The following ZNF283 variants were observed in gnomAD, a reference collection of about 807,000 sequenced individuals.
The protein encoded by ZNF283 is zinc finger protein 41.
A neutral mutation model predicts 9.2 loss-of-function variants in ZNF283; 10 were observed. The observed-to-expected ratio is 1.09, with a 90% CI of 0.67 to 1.85. ZNF283 has a LOEUF of 1.85. Among genes scored for constraint, ZNF283 ranks in the 40% most tolerant of loss-of-function variants. ZNF283 has a pLI of 0.00. For missense variants in ZNF283, 631 were observed against 760.1 expected, an observed-to-expected ratio of 0.83 and a Z score of 2.00; for synonymous variants, 234 against 244.1, an observed-to-expected ratio of 0.96 and a Z score of 0.38.
chr19:43,846,835 G>T, intron 6 of ZNF283, 104 bp from the exon 7 acceptor site: 1 of 877,698 alleles, frequency 1.1e-6, no homozygotes. Context: ...GCCAAGGAGT[G>T]AGTTCAGTAA....
At chr19:43,845,536 TAAA>T (rs994646638) in intron 6 of ZNF283, among the ~76,000 whole-genome samples, 2 of 152,102 alleles carry the variant, frequency 1.3e-5, no homozygotes, top group Non-Finnish European at 2.9e-5. Context: ...TTTATTTAAA[TAAA>T]AAATTCTGTT....
chr19:43,845,997 C>A (rs1175875796), intron 6 of ZNF283, among the ~76,000 whole-genome samples: 1 of 152,014 alleles, frequency 6.6e-6, no homozygotes, highest in Non-Finnish European at 1.5e-5. Context: ...ATATGTTTAA[C>A]AATGGTCAAG....
In ZNF283 at chr19:43,831,335, A is replaced by G. The variant is rs749459843; in HGVS notation, c.-47A>G. ...ATTTACAGGAGAATCTTGACAGTGA[A>G]TGTGTCTCATTACATTGAATAACAG... On this transcript the variant is annotated 5_prime_UTR_variant, in exon 3 of 7. The change abolishes an upstream ATG in the 5' untranslated region. Transcript: ENST00000618787. The G allele has an allele frequency of 6.3e-7, 1 of 1,595,480 alleles. No individual in the cohort carries two copies. The highest frequency in any genetic ancestry group is 1.1e-5 in the South Asian group (1 of 90,268).
chr19:43,847,982 T>A lies in ZNF283; in HGVS notation c.1381T>A (p.Cys461Ser), dbSNP rs1363828356. Residue 461 changes from cysteine (C) to serine (S), a missense_variant, in exon 7 of 7, where the codon TGT becomes AGT. By Grantham distance (112) the Cys-to-Ser change is moderately radical. Coordinates refer to ENST00000618787, the MANE Select transcript of ZNF283 (RefSeq NM_181845.2). Reference protein sequence around the residue: ...KIHTGEKPFECKECGKAFSWG... With the variant: ...KIHTGEKPFESKECGKAFSWG... ...CCATACTGGTGAGAAACCTTTTGAA[T>A]GTAAGGAATGTGGGAAGGCCTTTAG... The A allele has an allele frequency of 6.2e-7, 1 of 1,613,846 alleles. No individual in the cohort carries two copies. Among genetic ancestry groups the A allele is most frequent in the East Asian group, 2.2e-5 (1 of 44,878 alleles).
In ZNF283 at chr19:43,849,719, C is replaced by A. The variant is rs1469750784; in HGVS notation, c.*1078C>A. 2.0e-5 allele frequency: 3 copies of A among 152,200 alleles called. No homozygotes were observed. The highest frequency in any genetic ancestry group is 7.2e-5 in the African/African-American group (3 of 41,444). The allele number at this position is 152,200 out of a possible 1,614,324, so 9.4% of individuals were successfully genotyped here. On this transcript the variant is annotated 3_prime_UTR_variant, in exon 7 of 7. Coordinates refer to ENST00000618787, the MANE Select transcript of ZNF283 (RefSeq NM_181845.2). ...TCCATACTACCTGTAGGATGGTGAG[C>A]AAAATGCTTATCTCTTCTGGACATG...
intron 6 of ZNF283, among the ~76,000 whole-genome samples, chr19:43,841,191 C>G (rs1442189046): frequency 6.6e-6 from 1 of 152,156 alleles, no homozygotes; most frequent in Non-Finnish European, 1.5e-5. Context: ...TTTCCACCTT[C>G]TTGGATTCAT....
chr19:43,838,289 C>T (rs1183176544), intron 6 of ZNF283, among the ~76,000 whole-genome samples: 1 of 152,084 alleles, frequency 6.6e-6, no homozygotes, highest in East Asian at 1.9e-4. Flanking sequence ...GCCCTTTTTC[C>T]CTTCCACAAC....
intron 6 of ZNF283, among the ~76,000 whole-genome samples, chr19:43,844,182 TA>T (rs2146574149): frequency 1.3e-5 from 2 of 152,310 alleles, no homozygotes; most frequent in African/African-American, 4.8e-5. Context: ...GTAAATATCT[TA>T]AAATTTCTCT....
In ZNF283 at chr19:43,850,332, T is replaced by C. The variant is rs1336044773; in HGVS notation, c.*1691T>C. ...CACCAGTGCCAAGTTTGATCACTTA[T>C]GGTAACTACTGGAGTTGTCTGTTAT... On this transcript the variant is annotated 3_prime_UTR_variant, in exon 7 of 7. Coordinates refer to ENST00000618787, the MANE Select transcript of ZNF283 (RefSeq NM_181845.2). 6.6e-6 allele frequency: 1 copy of C among 152,224 alleles called. No individual in the cohort carries two copies. The highest frequency in any genetic ancestry group is 1.9e-4 in the East Asian group (1 of 5,200). The allele number at this position is 152,224 out of a possible 1,614,324, so 9.4% of individuals were successfully genotyped here.
At chr19:43,843,917 T>C (rs561143342) in intron 6 of ZNF283, among the ~76,000 whole-genome samples, 45 of 152,330 alleles carry the variant, frequency 3.0e-4, no homozygotes, top group Middle Eastern at 3.4e-3. Flanking sequence ...TTTCCAACTA[T>C]GTACCATGAG....
chr19:43,837,162 G>GT lies in ZNF283; in HGVS notation c.321dup (p.Asn108Ter). The GT allele has an allele frequency of 6.2e-7, 1 of 1,609,188 alleles. No homozygotes were observed. ...GTGGATGTAATGTTGGAGAACTATAGTAACTTGGTGTCACTGGGTAAGGTC... is the reference window on the plus strand; with the variant it reads ...GTGGATGTAATGTTGGAGAACTATAGTTAACTTGGTGTCACTGGGTAAGGTC... On this transcript the variant is annotated frameshift_variant, in exon 6 of 7. Transcript: ENST00000618787. LOFTEE classifies it low-confidence loss of function (END_TRUNC).
chr19:43,847,676 G>A lies in ZNF283; in HGVS notation c.1075G>A (p.Gly359Ser), dbSNP rs376669998. ...AGAATGTGGGAAGGCCTTCAGTCGT[G>A]GCTATCAGCTTACTCAGCATCAGAA... Reference protein sequence around the residue: ...CKECGKAFSRGYQLTQHQKIH... With the variant: ...CKECGKAFSRSYQLTQHQKIH... Residue 359 changes from glycine to serine, a missense_variant, in exon 7 of 7, where the codon GGC becomes AGC. Around this residue, in one of 3 missense-constraint regions of ZNF283, gnomAD observed 444 missense variants for 522.5 expected, o/e 0.85. Coordinates refer to ENST00000618787, the MANE Select transcript of ZNF283 (RefSeq NM_181845.2). The A allele has an allele frequency of 1.9e-5, 30 of 1,613,514 alleles. No homozygotes were observed. The highest frequency in any genetic ancestry group is 2.4e-5 in the Non-Finnish European group (28 of 1,179,594).
At chr19:43,830,667 C>T (rs139263332) in intron 2 of ZNF283, among the ~76,000 whole-genome samples, 4 of 151,984 alleles carry the variant, frequency 2.6e-5, no homozygotes, top group African/African-American at 9.7e-5. Context: ...CTTTGGGAGG[C>T]CGAGGCGGGT....
chr19:43,835,926 A>G (rs1970959779), intron 5 of ZNF283, among the ~76,000 whole-genome samples: 1 of 152,212 alleles, frequency 6.6e-6, no homozygotes, highest in South Asian at 2.1e-4. Flanking sequence ...CAGGATGTGT[A>G]GGCCATGAGT....
chr19:43,842,906 T>C (rs1971268586), intron 6 of ZNF283, among the ~76,000 whole-genome samples: 1 of 152,054 alleles, frequency 6.6e-6, no homozygotes, highest in African/African-American at 2.4e-5. Context: ...GCAGTATTCA[T>C]TTTATTAAAT....
At chr19:43,836,116 G>C (rs986583728) in intron 5 of ZNF283, among the ~76,000 whole-genome samples, 11 of 152,118 alleles carry the variant, frequency 7.2e-5, no homozygotes, top group Non-Finnish European at 1.6e-4. Flanking sequence ...CAGAAATTTT[G>C]TTCAGCCTAA....
At position 43,837,198 on chromosome 19, in the gene ZNF283, A is replaced by G. The variant is rs779484003; in HGVS notation, c.337+19A>G. 3.8e-6 allele frequency: 6 copies of G among 1,569,594 alleles called. No individual in the cohort carries two copies. Among genetic ancestry groups the G allele is most frequent in the Non-Finnish European group, 4.3e-6 (5 of 1,159,932 alleles). ...TCACTGGGTAAGGTCATCTGCCTGA[A>G]ATAATTTAGAGTCTCCTCTTTGCAT... On this transcript the variant is annotated intron_variant, in intron 6 of 6. Transcript: ENST00000618787.
intron 6 of ZNF283, among the ~76,000 whole-genome samples, chr19:43,838,903 T>C (rs1193399076): frequency 1.3e-5 from 2 of 152,224 alleles, no homozygotes; most frequent in African/African-American, 4.8e-5. Flanking sequence ...CAATCAGCTA[T>C]TGCTTTGAAG....
chr19:43,845,849 T>C (rs1971381357), intron 6 of ZNF283, among the ~76,000 whole-genome samples: 1 of 152,130 alleles, frequency 6.6e-6, no homozygotes, highest in Non-Finnish European at 1.5e-5. Context: ...ATATTGTCAA[T>C]ATACCATGCT....
Sources: allele counts gnomAD v4.1 joint callset (sites outside exome capture counted in the v4.1 genomes callset), GRCh38; gene constraint gnomAD v4.1.1; regional missense constraint gnomAD v4.1.1; transcripts MANE v1.5; gene names NCBI Gene and HGNC (gene_info 2026-07-23, HGNC 2026-07-21).